STX8: variants seen among roughly 807,000 people sequenced by gnomAD.
STX8 encodes the protein syntaxin 8, also known as syntaxin-8.
In STX8, 23 loss-of-function variants were observed where a neutral mutation model predicts 37.5. The ratio of observed to expected loss-of-function variants is 0.61; its 90% CI spans 0.44 to 0.87. The LOEUF is 0.87. Among genes scored for constraint, STX8 ranks in the 40% least tolerant of loss-of-function variants. STX8 has a pLI of 0.00. For missense variants in STX8, 313 were observed against 284.7 expected (o/e 1.10, Z -0.71); for synonymous variants, 115 against 99.1 (o/e 1.16, Z -0.95).
At chr17:9,380,254 GTTTT>G (rs34806016) in intron 6 of STX8, among the ~76,000 whole-genome samples, 13 of 89,446 alleles carry the variant, frequency 1.5e-4, no homozygotes, top group Admixed American at 1.1e-3. Context: ...ATTTCTGTGT[GTTTT>G]TTTTTTTTTT....
chr17:9,488,199 G>T (rs1341731165), intron 6 of STX8, among the ~76,000 whole-genome samples: 1 of 152,034 alleles, frequency 6.6e-6, no homozygotes, highest in Non-Finnish European at 1.5e-5. Context: ...GGTGGCAGGC[G>T]CCTGTAATCC....
At chr17:9,284,357 C>T (rs1233050761) in intron 7 of STX8, among the ~76,000 whole-genome samples, 1 of 151,990 alleles carries the variant, frequency 6.6e-6, no homozygotes, top group Non-Finnish European at 1.5e-5. Flanking sequence ...CTCACCAAAA[C>T]AAATAAGCAA....
At chr17:9,427,820 T>G (rs1429937083) in intron 6 of STX8, among the ~76,000 whole-genome samples, 1 of 152,192 alleles carries the variant, frequency 6.6e-6, no homozygotes, top group African/African-American at 2.4e-5. Context: ...AGGCACTCAT[T>G]TTTAATTTTC....
intron 6 of STX8, among the ~76,000 whole-genome samples, chr17:9,433,205 GGC>G (rs1386226318): frequency 1.2e-4 from 19 of 152,312 alleles, no homozygotes; most frequent in African/African-American, 4.3e-4. Context: ...TGGAAGACAA[GGC>G]ATACGCCTGG....
intron 7 of STX8, among the ~76,000 whole-genome samples, chr17:9,292,545 T>G (rs189980379): frequency 1.3e-5 from 2 of 152,210 alleles, no homozygotes; most frequent in East Asian, 3.8e-4. Context: ...GAGGAGGCAC[T>G]CATATTTCTC....
chr17:9,333,597 G>C lies in STX8; in HGVS notation c.643+44955C>G, dbSNP rs180965943. On this transcript the variant is annotated intron_variant, in intron 7 of 7. Transcript: ENST00000306357. Reference sequence around the variant, plus strand: ...GTAGAGATGGGGTTTCACTGTGTTAGCCAGGATGGTCTGGATCTCCTGACC... The same window carrying C: ...GTAGAGATGGGGTTTCACTGTGTTACCCAGGATGGTCTGGATCTCCTGACC... 3.1e-3 allele frequency among the ~76,000 whole-genome samples: 466 copies of C among 152,246 alleles called. 1 individual carries two copies. Among genetic ancestry groups the C allele is most frequent in the Admixed American group, 5.6e-3 (85 of 15,284 alleles).
At chr17:9,340,425 T>A (rs1171052909) in intron 7 of STX8, among the ~76,000 whole-genome samples, 1 of 152,248 alleles carries the variant, frequency 6.6e-6, no homozygotes, top group Non-Finnish European at 1.5e-5. Context: ...CATCTGGCTA[T>A]GTTAAGTAAC....
rs191122140 is a variant in STX8 at position 9,526,630 on chromosome 17, G to T, written c.323+18542C>A. 1.2e-3 allele frequency among the ~76,000 whole-genome samples: 179 copies of T among 152,310 alleles called. 4 individuals are homozygous for T. The East Asian group carries it at 0.028, about 24-fold the overall frequency. ...CTCACGCCTGTAATCCCAGCACTTT[G>T]GGGGGCCGATATGGGCTGATCAAGA... is the stretch of plus-strand genomic sequence containing the variant. On this transcript the variant is annotated intron_variant, in intron 4 of 7. Coordinates refer to ENST00000306357, the MANE Select transcript of STX8 (RefSeq NM_004853.3).
At chr17:9,475,543 C>A (rs898550683) in intron 6 of STX8, among the ~76,000 whole-genome samples, 2 of 152,068 alleles carry the variant, frequency 1.3e-5, no homozygotes, top group African/African-American at 4.8e-5. Flanking sequence ...CAGTACTTGC[C>A]CCCAGCTGGA....
chr17:9,283,593 G>C lies in STX8; in HGVS notation c.644-32948C>G, dbSNP rs190967787. 6.4e-4 allele frequency among the ~76,000 whole-genome samples: 98 copies of C among 152,178 alleles called. 1 individual carries two copies. Among genetic ancestry groups the C allele is most frequent in the African/African-American group, 2.1e-3 (87 of 41,524 alleles). ...ATTCTCAGTGTTTTCATGTCACTGG[G>C]GTTAAAGTATAAACTCAAGAAAAGT... On this transcript the variant is annotated intron_variant, in intron 7 of 7. Coordinates refer to ENST00000306357, the MANE Select transcript of STX8 (RefSeq NM_004853.3).
At chr17:9,518,498 G>C (rs565885359) in intron 4 of STX8, among the ~76,000 whole-genome samples, 52 of 152,220 alleles carry the variant, frequency 3.4e-4, no homozygotes, top group Admixed American at 3.0e-3. Context: ...TTGGGAATTC[G>C]ACTTAGATCT....
At chr17:9,374,010 T>C (rs1911501586) in intron 7 of STX8, among the ~76,000 whole-genome samples, 1 of 152,020 alleles carries the variant, frequency 6.6e-6, no homozygotes, top group South Asian at 2.1e-4. Flanking sequence ...ATTTCTTTTT[T>C]TTAATGCCAC....
chr17:9,535,962 A>C (rs1906033367), intron 4 of STX8, among the ~76,000 whole-genome samples: 1 of 152,260 alleles, frequency 6.6e-6, no homozygotes, highest in South Asian at 2.1e-4. Flanking sequence ...ATCAGGTGAC[A>C]AAAGAATGTT....
At chr17:9,342,289 G>A (rs1357663961) in intron 7 of STX8, among the ~76,000 whole-genome samples, 5 of 152,252 alleles carry the variant, frequency 3.3e-5, no homozygotes, top group South Asian at 4.2e-4. Context: ...GCCACAGACC[G>A]GTACCAGTCC....
At chr17:9,575,583 C>A (rs1455868579) in intron 1 of STX8, among the ~76,000 whole-genome samples, 1 of 152,210 alleles carries the variant, frequency 6.6e-6, no homozygotes, top group Admixed American at 6.5e-5. Flanking sequence ...AGCTCTCCAG[C>A]GGACCACCTG....
At chr17:9,305,542 T>C (rs1908950484) in intron 7 of STX8, 2 of 152,192 alleles carry the variant, frequency 1.3e-5, no homozygotes, top group South Asian at 4.1e-4. Flanking sequence ...GCATTCTCAA[T>C]TAATGGTATT....
At chr17:9,428,944 T>C (rs920939300) in intron 6 of STX8, among the ~76,000 whole-genome samples, 14 of 152,130 alleles carry the variant, frequency 9.2e-5, no homozygotes, top group Non-Finnish European at 1.8e-4. Flanking sequence ...AGACACATAA[T>C]TGAAAGAAAA....
chr17:9,327,296 A>G (rs1399206052), intron 7 of STX8, among the ~76,000 whole-genome samples: 4 of 136,206 alleles, frequency 2.9e-5, no homozygotes, highest in African/African-American at 1.5e-4. Flanking sequence ...AAAGAAGAAG[A>G]AGAAAGAAAG....
intron 7 of STX8, among the ~76,000 whole-genome samples, chr17:9,328,247 G>A (rs1909842454): frequency 6.6e-6 from 1 of 151,718 alleles, no homozygotes; most frequent in African/African-American, 2.4e-5. Flanking sequence ...GGCTGGTATT[G>A]GAGAAGTTGG....
Sources: gnomAD v4.1 joint callset for allele counts (sites outside exome capture counted in the v4.1 genomes callset) on GRCh38, gnomAD v4.1.1 for gene constraint, MANE v1.5 for transcripts, NCBI Gene and HGNC (gene_info 2026-07-23, HGNC 2026-07-21) for gene names.